SUSD6: variants seen among roughly 807,000 people sequenced by gnomAD.
The protein encoded by SUSD6 is sushi domain-containing protein 6.
A neutral mutation model predicts 28.4 loss-of-function variants in SUSD6; 16 were observed. The observed-to-expected ratio is 0.56, with a 90% CI of 0.38 to 0.86. The LOEUF (loss-of-function observed/expected upper bound fraction) is 0.86. Among genes scored for constraint, SUSD6 ranks in the 40% least tolerant of loss-of-function variants. The probability of loss-of-function intolerance (pLI) is 0.00; values close to 1 mark genes in which losing one functional copy is unlikely to be tolerated. For synonymous variants in SUSD6, 147 were observed against 159.6 expected, an observed-to-expected ratio of 0.92 and a Z score of 0.59; for missense variants, 341 against 384.2, an observed-to-expected ratio of 0.89 and a Z score of 0.94.
chr14:69,695,148 A>C (rs997292697), intron 2 of SUSD6, among the ~76,000 whole-genome samples: 1 of 150,986 alleles, frequency 6.6e-6, no homozygotes, highest in Non-Finnish European at 1.5e-5. Context: ...ATGGCATGAG[A>C]AACCATCTCA....
chr14:69,707,770 TA>T (rs891129799), intron 4 of SUSD6, among the ~76,000 whole-genome samples: 6 of 151,640 alleles, frequency 4.0e-5, no homozygotes, highest in East Asian at 1.9e-4. Context: ...TTTTTTTAAT[TA>T]AAAAAAAATA....
chr14:69,631,752 A>G lies in SUSD6; in HGVS notation c.-81+19924A>G, dbSNP rs74060237. Among the ~76,000 whole-genome samples the G allele has an allele frequency of 7.1e-3, 1,074 of 152,266 alleles. 17 individuals are homozygous for G. The highest frequency in any genetic ancestry group is 0.024 in the African/African-American group (1,016 of 41,544). On this transcript the variant is annotated intron_variant, in intron 1 of 5. Transcript: ENST00000342745. The stretch of plus-strand genomic sequence containing the variant: ...TCCCTGTCCCCATTGACACAGCCCC[A>G]AGTCACGGGCTTGCAAAAGAATGTT...
chr14:69,671,275 A>C (rs1355679442), intron 2 of SUSD6, among the ~76,000 whole-genome samples: 2 of 152,208 alleles, frequency 1.3e-5, no homozygotes, highest in African/African-American at 4.8e-5. Flanking sequence ...GGTTGGAAGG[A>C]GGATGTTAAT....
In SUSD6 at chr14:69,694,193, A is replaced by G. The variant is rs76585307; in HGVS notation, c.122-9202A>G. Among the ~76,000 whole-genome samples, 4 of 152,350 alleles carry G rather than the reference A, an allele frequency of 2.6e-5. No homozygotes were observed. The East Asian group carries it at 7.7e-4, about 29-fold the overall frequency. On this transcript the variant is annotated intron_variant, in intron 2 of 5. Coordinates refer to ENST00000342745, the MANE Select transcript of SUSD6 (RefSeq NM_014734.4). ...AGGACCAACCTGTGAGAAAACCTGC[A>G]GAGACTACAACATGGTGATAGGTTA...
rs769480979 is a variant in SUSD6, at chr14:69,704,613, C to T, written c.329C>T (p.Thr110Ile). Reference sequence around the variant, plus strand: ...TGGCTTGTTTTTATAGATAAAGACACCCACACATCACTTGGGGTCCCCACG... The same window carrying T: ...TGGCTTGTTTTTATAGATAAAGACATCCACACATCACTTGGGGTCCCCACG... Reference protein sequence around the residue: ...ISCRLNEDKDTHTSLGVPTLS... With the variant: ...ISCRLNEDKDIHTSLGVPTLS... The change falls in exon 4 of 6, where the codon ACC becomes ATC. Residue 110 changes from threonine (T) to isoleucine (I), a missense_variant. Thr to Ile is a moderately conservative substitution (Grantham distance 89). Coordinates refer to ENST00000342745, the MANE Select transcript of SUSD6 (RefSeq NM_014734.4). The T allele has an allele frequency of 1.9e-6, 3 of 1,612,780 alleles. No individual in the cohort carries two copies. The highest frequency in any genetic ancestry group is 2.2e-5 in the East Asian group (1 of 44,886).
chr14:69,702,966 A>C (rs527958596), intron 2 of SUSD6, among the ~76,000 whole-genome samples: 2 of 152,300 alleles, frequency 1.3e-5, no homozygotes, highest in African/African-American at 4.8e-5. Context: ...GCACGTTTTT[A>C]TTATACAATA....
At chr14:69,697,557 T>C (rs1886244330) in intron 2 of SUSD6, among the ~76,000 whole-genome samples, 1 of 152,236 alleles carries the variant, frequency 6.6e-6, no homozygotes, top group Non-Finnish European at 1.5e-5. Context: ...ATATGTTGGG[T>C]TAAATAAAAT....
chr14:69,635,728 G>A (rs186116498), intron 1 of SUSD6, among the ~76,000 whole-genome samples: 2 of 152,266 alleles, frequency 1.3e-5, no homozygotes, highest in East Asian at 1.9e-4. Flanking sequence ...TTTGTTGTAC[G>A]AGACCAAACG....
chr14:69,620,180 C>T (rs563660509), intron 1 of SUSD6, among the ~76,000 whole-genome samples: 6 of 152,308 alleles, frequency 3.9e-5, no homozygotes, highest in African/African-American at 7.2e-5. Flanking sequence ...ATGGGAAGAC[C>T]GTCTGCCTCC....
intron 2 of SUSD6, among the ~76,000 whole-genome samples, chr14:69,700,690 C>G (rs1437396564): frequency 1.3e-5 from 2 of 152,214 alleles, no homozygotes; most frequent in East Asian, 1.9e-4. Context: ...CTAGGCTCCC[C>G]TATTCCTGCT....
Position 69,704,590 on chromosome 14 carries a change from G to A in SUSD6, c.320-14G>A. ...TGGGTACAAAACCCTTCTGATGATG[G>A]CTTGTTTTTATAGATAAAGACACCC... On this transcript the variant is annotated splice_polypyrimidine_tract_variant and intron_variant, in intron 3 of 5. Transcript: ENST00000342745. The A allele has an allele frequency of 6.2e-7, 1 of 1,607,500 alleles. No homozygotes were observed.
At chr14:69,698,952 G>C (rs1886273315) in intron 2 of SUSD6, among the ~76,000 whole-genome samples, 1 of 152,186 alleles carries the variant, frequency 6.6e-6, no homozygotes, top group South Asian at 2.1e-4. Context: ...TGTCTTCCCA[G>C]AGTTAAGTAC....
At chr14:69,650,527 T>C (rs1431887361) in intron 1 of SUSD6, among the ~76,000 whole-genome samples, 1 of 152,202 alleles carries the variant, frequency 6.6e-6, no homozygotes, top group Non-Finnish European at 1.5e-5. Flanking sequence ...GCAAAGTGCT[T>C]GTCCAAGGTT....
At chr14:69,652,742 T>A (rs1296049495) in intron 1 of SUSD6, among the ~76,000 whole-genome samples, 2 of 152,154 alleles carry the variant, frequency 1.3e-5, no homozygotes, top group African/African-American at 4.8e-5. Flanking sequence ...CCAGAGCCAT[T>A]TTTGAAGGTG....
chr14:69,630,224 A>C (rs1885173759), intron 1 of SUSD6, among the ~76,000 whole-genome samples: 1 of 152,202 alleles, frequency 6.6e-6, no homozygotes, highest in Non-Finnish European at 1.5e-5. Context: ...CGAGGATGGC[A>C]CAGCAGGTAA....
In SUSD6 at chr14:69,652,976, A is replaced by G. The variant is rs1227444973; in HGVS notation, c.-80-5537A>G. ...TTTCTAGTTTACAAAGCATTTCCTC[A>G]TATTTTGTTCCTTTTGAGCCTCAAC... On this transcript the variant is annotated intron_variant, in intron 1 of 5. Coordinates refer to ENST00000342745, the MANE Select transcript of SUSD6 (RefSeq NM_014734.4). Among the ~76,000 whole-genome samples, 6 of 152,132 alleles carry G rather than the reference A, an allele frequency of 3.9e-5. No individual in the cohort carries two copies. In the East Asian group the frequency reaches 9.6e-4, roughly 24 times the overall value.
At chr14:69,656,792 CAG>C (rs1375435570) in intron 1 of SUSD6, among the ~76,000 whole-genome samples, 1 of 152,212 alleles carries the variant, frequency 6.6e-6, no homozygotes, top group East Asian at 1.9e-4. Flanking sequence ...AATAAAGAAA[CAG>C]ATTTGAATCC....
chr14:69,708,943 G>A lies in SUSD6; in HGVS notation c.725G>A (p.Trp242Ter), dbSNP rs779317192. ...GGCCAGTCTGGACTATGTGAAGCCT[G>A]GGGCTCTCGGGCCTCAGAGACTGTG... Reference protein sequence around the residue: ...APGQSGLCEAWGSRASETVMV... With the variant: ...APGQSGLCEA Residue 242 changes from tryptophan to a stop codon, truncating the protein, a stop_gained, in exon 5 of 6, where the codon TGG becomes TAG. Transcript: ENST00000342745. LOFTEE classifies it high-confidence loss of function. 1.9e-6 allele frequency: 3 copies of A among 1,614,194 alleles called. No individual in the cohort carries two copies. The Admixed American group carries it at 5.0e-5, about 27-fold the overall frequency.
chr14:69,682,941 A>G (rs899028113), intron 2 of SUSD6, among the ~76,000 whole-genome samples: 1 of 143,942 alleles, frequency 6.9e-6, no homozygotes, highest in African/African-American at 2.6e-5. Context: ...CTGTTTTCCA[A>G]GAAGCCTTTT....
Sources: allele counts gnomAD v4.1 joint callset (sites outside exome capture counted in the v4.1 genomes callset), GRCh38; gene constraint gnomAD v4.1.1; transcripts MANE v1.5; gene names NCBI Gene and HGNC (gene_info 2026-07-23, HGNC 2026-07-21).